Variants in DNAAF5 observed in about 807,000 individuals in gnomAD.
DNAAF5 encodes HEAT repeat containing 2.
DNAAF5 carries 64 observed loss-of-function variants against 75.8 expected under a neutral mutation model. The ratio of observed to expected loss-of-function variants is 0.84; its 90% CI spans 0.69 to 1.04. The LOEUF is 1.04. DNAAF5 is among the 50% of genes least tolerant of loss of function. The probability of loss-of-function intolerance (pLI) is 0.00; values close to 1 mark genes in which losing one functional copy is unlikely to be tolerated. For synonymous variants in DNAAF5, 657 were observed against 557.2 expected (o/e 1.18, Z -2.52); for missense variants, 1,269 against 1,178.5 (o/e 1.08, Z -1.12).
At position 740,511 on chromosome 7, in the gene DNAAF5, C is replaced by T. The variant is rs773056978; in HGVS notation, c.781-308C>T. ...CTCAGGTAGCAGCTGGGAGCCTGCT[C>T]TCGCCAACAGGACCAGGCCGGGGCA... On this transcript the variant is annotated intron_variant, in intron 2 of 12. Transcript: ENST00000297440. 4.6e-5 allele frequency among the ~76,000 whole-genome samples: 7 copies of T among 152,204 alleles called. 1 individual carries two copies. The highest frequency in any genetic ancestry group is 1.0e-4 in the Non-Finnish European group (7 of 68,032).
rs564000808 is a variant in DNAAF5 at position 773,906 on chromosome 7, AGAG to A, written c.1932-134_1932-132del. 1.2e-4 allele frequency: 111 copies of A among 895,270 alleles called. 2 individuals are homozygous for A. The South Asian group carries it at 1.3e-3, about 10-fold the overall frequency. The allele number at this position is 895,270 out of a possible 1,614,324, so 55.5% of individuals were successfully genotyped here. ...AATTCGCACTGAGAAGCAGCTCCTG[AGAG>A]GAGGAGGGGCCTCGTGTTTTGGGGT... On this transcript the variant is annotated intron_variant, in intron 9 of 12. Transcript: ENST00000297440.
intron 4 of DNAAF5, among the ~76,000 whole-genome samples, chr7:749,577 T>C (rs1237199953): frequency 6.6e-6 from 1 of 152,182 alleles, no homozygotes; most frequent in East Asian, 1.9e-4. Flanking sequence ...TGAATGGAAA[T>C]TGTCAGAAAC....
Position 755,224 on chromosome 7 carries a change from A to C in DNAAF5, c.1257+403A>C, listed in dbSNP as rs565318899. ...CCTCGCAGGGGCTGTGGGAGCACCC[A>C]GACGGGGGATGATGGCACAGCTTCG... On this transcript the variant is annotated intron_variant, in intron 5 of 12. Coordinates refer to ENST00000297440, the MANE Select transcript of DNAAF5 (RefSeq NM_017802.4). Among the ~76,000 whole-genome samples the C allele has an allele frequency of 1.0e-3, 159 of 152,310 alleles. 1 individual carries two copies. Among genetic ancestry groups the C allele is most frequent in the African/African-American group, 3.5e-3 (147 of 41,582 alleles).
chr7:746,388 C>T (rs188416190), intron 4 of DNAAF5, among the ~76,000 whole-genome samples: 18 of 57,614 alleles, frequency 3.1e-4, no homozygotes, highest in African/African-American at 1.1e-3. Context: ...ATGCCCAGGG[C>T]CTGTGACGCC....
chr7:782,158 T>TCGTGGCGTGGCCGCCTCCCGACA (rs1778972724), intron 12 of DNAAF5, among the ~76,000 whole-genome samples: 2 of 152,208 alleles, frequency 1.3e-5, no homozygotes, highest in East Asian at 1.9e-4. Flanking sequence ...ACTCGGATCT[T>TCGTGGCGTGGCCGCCTCCCGACA]CGCGGCGTGG....
intron 11 of DNAAF5, among the ~76,000 whole-genome samples, chr7:776,271 G>A (rs1025830211): frequency 6.6e-6 from 1 of 152,156 alleles, no homozygotes; most frequent in Non-Finnish European, 1.5e-5. Flanking sequence ...AGGAGGTGGA[G>A]GTTGCAGTGA....
chr7:772,110 G>A (rs1444550603), intron 9 of DNAAF5: 2 of 152,348 alleles, frequency 1.3e-5, no homozygotes, highest in East Asian at 3.8e-4. Context: ...GCTGTACGCA[G>A]GTCCCTGCTG....
chr7:774,302 G>C, intron 10 of DNAAF5, 104 bp downstream of exon 10: 1 of 1,232,756 alleles, frequency 8.1e-7, no homozygotes, highest in Non-Finnish European at 1.1e-6. Flanking sequence ...GGCAGCAGCT[G>C]CACCTCCACC....
intron 12 of DNAAF5, among the ~76,000 whole-genome samples, chr7:782,600 C>A (rs1212598224): frequency 6.7e-6 from 1 of 148,796 alleles, no homozygotes; most frequent in Non-Finnish European, 1.5e-5. Flanking sequence ...GGCCGCGTCC[C>A]GTTACGCAGC....
At chr7:728,452 G>T (rs907618953) in intron 1 of DNAAF5, among the ~76,000 whole-genome samples, 4 of 152,224 alleles carry the variant, frequency 2.6e-5, no homozygotes, top group Non-Finnish European at 5.9e-5. Context: ...GTGGAGAATA[G>T]ATTCCAGAAG....
At position 761,861 on chromosome 7, in the gene DNAAF5, G is replaced by A; in HGVS notation, c.1579G>A (p.Val527Met). Residue 527 changes from valine (V) to methionine (M), a missense_variant, in exon 7 of 13, where the codon GTG becomes ATG. Physicochemically the swap from Val to Met is conservative, Grantham distance 21. Coordinates refer to ENST00000297440, the MANE Select transcript of DNAAF5 (RefSeq NM_017802.4). ...LQLLDVLLTIVALAGATGLRD... is the reference protein window; with the variant it reads ...LQLLDVLLTIMALAGATGLRD... Reference sequence around the variant, plus strand: ...GCTCTTGGACGTGCTGCTGACAATAGTGGCCCTCGCAGGTGCTACCGGCCT... The same window carrying A: ...GCTCTTGGACGTGCTGCTGACAATAATGGCCCTCGCAGGTGCTACCGGCCT... 6.3e-7 allele frequency: 1 copy of A among 1,589,458 alleles called. No individual in the cohort carries two copies. Among genetic ancestry groups the A allele is most frequent in the South Asian group, 1.1e-5 (1 of 87,204 alleles).
At chr7:773,963 C>G (rs1390629558) in intron 9 of DNAAF5, 85 bp from the exon 10 acceptor site, 3 of 1,518,864 alleles carry the variant, frequency 2.0e-6, no homozygotes, top group Non-Finnish European at 2.7e-6. Flanking sequence ...TGGCTCCCCC[C>G]TCAGCCCCAT....
chr7:774,024 C>A (rs764995516), intron 9 of DNAAF5, 24 bp from the exon 10 acceptor site: 27 of 1,613,856 alleles, frequency 1.7e-5, no homozygotes, highest in African/African-American at 2.7e-5. Context: ...GTCTCCTCAT[C>A]CACCCTCTCC....
intron 12 of DNAAF5, among the ~76,000 whole-genome samples, chr7:784,927 C>T (rs1283503275): frequency 6.6e-6 from 1 of 152,176 alleles, no homozygotes; most frequent in Non-Finnish European, 1.5e-5. Context: ...ACCCACCCAG[C>T]AGCATCAGGT....
chr7:750,838 C>G (rs568957886), intron 4 of DNAAF5: 10 of 167,068 alleles, frequency 6.0e-5, no homozygotes, highest in African/African-American at 2.4e-4. Context: ...TGTTCCTGGT[C>G]ACGCATCTCT....
Position 740,811 on chromosome 7 carries a change from A to G in DNAAF5, c.781-8A>G, listed in dbSNP as rs570735854. On this transcript the variant is annotated splice_polypyrimidine_tract_variant and splice_region_variant and intron_variant, in intron 2 of 12. Transcript: ENST00000297440. ...ACACGAATCCTTATCCCTTCCTCTC[A>G]TGCGCAGGTCCGGCGGGCGGTGGCC... 6.2e-6 allele frequency: 10 copies of G among 1,613,316 alleles called. No individual in the cohort carries two copies. In the East Asian group the frequency reaches 2.2e-4, roughly 36 times the overall value.
chr7:780,341 C>T (rs968953291), intron 12 of DNAAF5, among the ~76,000 whole-genome samples, 197 bp downstream of exon 12: 1 of 152,246 alleles, frequency 6.6e-6, no homozygotes, highest in African/African-American at 2.4e-5. Flanking sequence ...GACATTTCCT[C>T]TAACAGAAAT....
Position 785,963 on chromosome 7 carries a change from C to T in DNAAF5, c.*310C>T, listed in dbSNP as rs1779133715. 3.4e-6 allele frequency: 1 copy of T among 291,576 alleles called. No homozygotes were observed. Among genetic ancestry groups the T allele is most frequent in the Non-Finnish European group, 6.4e-6 (1 of 156,508 alleles). 18.1% of individuals were successfully genotyped at this position (291,576 alleles called of 1,614,324 possible). A position where few individuals can be genotyped will look rare whatever the true frequency, so the allele number is the denominator to read the frequency against. Reference sequence around the variant, plus strand: ...TCTTAGATTTTAAGCCTCACGTGCGCAGCTGGTTCATGAACTATTGGCTGC... The same window carrying T: ...TCTTAGATTTTAAGCCTCACGTGCGTAGCTGGTTCATGAACTATTGGCTGC... On this transcript the variant is annotated 3_prime_UTR_variant, in exon 13 of 13. Coordinates refer to ENST00000297440, the MANE Select transcript of DNAAF5 (RefSeq NM_017802.4).
intron 12 of DNAAF5, among the ~76,000 whole-genome samples, chr7:783,778 C>T (rs370309593): frequency 1.3e-5 from 2 of 152,128 alleles, no homozygotes; most frequent in African/African-American, 2.4e-5. Context: ...CTCTCCTGTC[C>T]TGCACTACAC....
Sources: gnomAD v4.1 joint callset for allele counts (sites outside exome capture counted in the v4.1 genomes callset) on GRCh38, gnomAD v4.1.1 for gene constraint, MANE v1.5 for transcripts, NCBI Gene and HGNC (gene_info 2026-07-23, HGNC 2026-07-21) for gene names.